MYO16: variants seen among roughly 807,000 people sequenced by gnomAD.
MYO16 encodes the protein unconventional myosin-XVI.
A neutral mutation model predicts 205.3 loss-of-function variants in MYO16; 94 were observed. That is an observed-to-expected ratio of 0.46 (90% CI 0.39 to 0.54). The LOEUF (loss-of-function observed/expected upper bound fraction) is 0.54, where lower values mean the gene tolerates loss of function less well. MYO16 is among the 20% of genes least tolerant of loss of function. The probability of loss-of-function intolerance (pLI) is 0.00; values close to 1 mark genes in which losing one functional copy is unlikely to be tolerated. For synonymous variants in MYO16, 988 were observed against 954.0 expected (o/e 1.04, Z -0.66); for missense variants, 2,315 against 2,387.5 (o/e 0.97, Z 0.63).
intron 16 of MYO16, among the ~76,000 whole-genome samples, chr13:108,947,323 C>T (rs113792688): frequency 3.8e-4 from 58 of 152,310 alleles, no homozygotes; most frequent in African/African-American, 1.2e-3. Context: ...CGGCATATTT[C>T]TGTGTGCATG....
At chr13:108,741,067 AC>A (rs1331621418) in intron 4 of MYO16, among the ~76,000 whole-genome samples, 1 of 150,670 alleles carries the variant, frequency 6.6e-6, no homozygotes, top group Non-Finnish European at 1.5e-5. Flanking sequence ...GAATTCCCTG[AC>A]CCCTTGTGCT....
At chr13:108,573,389 A>G in the MYO16 span, among the ~76,000 whole-genome samples, 1 of 152,240 alleles carries the variant, frequency 6.6e-6, no homozygotes, top group African/African-American at 2.4e-5. Context: ...TTAAAAATGT[A>G]GGACTTTTAA....
chr13:109,048,023 T>C (rs1392197968), intron 24 of MYO16, among the ~76,000 whole-genome samples: 1 of 152,104 alleles, frequency 6.6e-6, no homozygotes, highest in Non-Finnish European at 1.5e-5. Context: ...TGGAAAATCT[T>C]CCTTTTAGTG....
the MYO16 span, among the ~76,000 whole-genome samples, chr13:108,541,823 G>A: frequency 2.6e-5 from 4 of 152,062 alleles, no homozygotes; most frequent in Admixed American, 1.3e-4. Flanking sequence ...AGATGCTGGC[G>A]AGCTTGTGGA....
At chr13:109,019,979 G>A in intron 23 of MYO16, 68 bp downstream of exon 23, 1 of 1,461,590 alleles carries the variant, frequency 6.8e-7, no homozygotes, top group Non-Finnish European at 9.4e-7. Context: ...ACAAGCTCTA[G>A]AGTTATTGAT....
intron 28 of MYO16, among the ~76,000 whole-genome samples, chr13:109,113,027 C>T (rs1875474553): frequency 6.6e-6 from 1 of 152,162 alleles, no homozygotes; most frequent in Non-Finnish European, 1.5e-5. Context: ...ATACAAGGTA[C>T]ACTAGTGACA....
intron 13 of MYO16, among the ~76,000 whole-genome samples, chr13:108,888,019 C>G (rs1332119440): frequency 1.3e-5 from 2 of 152,128 alleles, no homozygotes; most frequent in African/African-American, 2.4e-5. Context: ...TCTTCTCAGC[C>G]TGACACCTTT....
intron 23 of MYO16, among the ~76,000 whole-genome samples, chr13:109,034,187 A>G (rs973429951): frequency 4.6e-5 from 7 of 152,218 alleles, no homozygotes; most frequent in African/African-American, 1.7e-4. Context: ...CTACCCTTGG[A>G]AAAAGGAATT....
At chr13:108,872,814 T>C (rs1286706351) in intron 12 of MYO16, among the ~76,000 whole-genome samples, 1 of 152,154 alleles carries the variant, frequency 6.6e-6, no homozygotes, top group Admixed American at 6.5e-5. Flanking sequence ...AGGTAAAAGA[T>C]GCACTGATAT....
At chr13:108,534,863 CCTTCTTCTCCTTCTT>C in the MYO16 span, among the ~76,000 whole-genome samples, 1 of 149,156 alleles carries the variant, frequency 6.7e-6, no homozygotes, top group African/African-American at 2.5e-5. Context: ...TCTTCCTCCT[CCTTCTTCTCCTTCTT>C]CTTCTTCTCC....
intron 16 of MYO16, among the ~76,000 whole-genome samples, chr13:108,934,979 A>G (rs1225745277): frequency 2.0e-5 from 3 of 151,962 alleles, no homozygotes; most frequent in Admixed American, 6.6e-5. Context: ...CCATTGGTCT[A>G]TGTGTCTGTT....
At chr13:109,015,289 G>A (rs1885766358) in intron 22 of MYO16, among the ~76,000 whole-genome samples, 2 of 152,172 alleles carry the variant, frequency 1.3e-5, no homozygotes, top group South Asian at 4.1e-4. Context: ...TGTTGAACCA[G>A]TCTTGCATCC....
chr13:108,710,324 G>C (rs186059629), intron 2 of MYO16, among the ~76,000 whole-genome samples: 137 of 152,290 alleles, frequency 9.0e-4, no homozygotes, highest in African/African-American at 3.2e-3. Flanking sequence ...CCTTTGCCTT[G>C]TATATTTCCC....
At chr13:108,971,063 G>C (rs1883989479) in intron 20 of MYO16, among the ~76,000 whole-genome samples, 1 of 152,046 alleles carries the variant, frequency 6.6e-6, no homozygotes, top group African/African-American at 2.4e-5. Flanking sequence ...AAAAATAACT[G>C]TTTTAAAAAA....
intron 9 of MYO16, among the ~76,000 whole-genome samples, chr13:108,839,646 T>C (rs1057107711): frequency 1.3e-5 from 2 of 152,210 alleles, no homozygotes; most frequent in African/African-American, 4.8e-5. Context: ...ATACTTGATA[T>C]CTAGCTGGCT....
intron 34 of MYO16, among the ~76,000 whole-genome samples, chr13:109,205,630 T>A (rs891365655): frequency 3.9e-5 from 6 of 151,908 alleles, no homozygotes; most frequent in African/African-American, 9.7e-5. Flanking sequence ...GCCAGAAAAA[T>A]TGATATCTGC....
intron 32 of MYO16, among the ~76,000 whole-genome samples, chr13:109,156,714 C>T (rs943588770): frequency 2.6e-5 from 4 of 152,132 alleles, no homozygotes; most frequent in Non-Finnish European, 4.4e-5. Context: ...AGCCGCCCTG[C>T]GTGCCACACA....
At chr13:108,867,376 A>G (rs1878774115) in intron 12 of MYO16, among the ~76,000 whole-genome samples, 1 of 152,100 alleles carries the variant, frequency 6.6e-6, no homozygotes, top group Non-Finnish European at 1.5e-5. Context: ...TAAATAGAAT[A>G]AAGTAAAATT....
chr13:108,719,294 G>A (rs185180022), intron 3 of MYO16, among the ~76,000 whole-genome samples: 14 of 152,010 alleles, frequency 9.2e-5, no homozygotes, highest in Admixed American at 7.2e-4. Context: ...AGCAAGAAAG[G>A]GTTTCCTTAC....
Sources: allele counts gnomAD v4.1 joint callset (sites outside exome capture counted in the v4.1 genomes callset), GRCh38; gene constraint gnomAD v4.1.1; transcripts MANE v1.5; gene names NCBI Gene and HGNC (gene_info 2026-07-23, HGNC 2026-07-21).